Variants in PDE4B observed in about 807,000 individuals in gnomAD.
The protein encoded by PDE4B is phosphodiesterase 4B.
In PDE4B, 20 loss-of-function variants were observed where a neutral mutation model predicts 82.2. That is an observed-to-expected ratio of 0.24 (90% CI 0.17 to 0.35). The LOEUF (loss-of-function observed/expected upper bound fraction) is 0.35, where lower values mean the gene tolerates loss of function less well. PDE4B is among the 10% of genes least tolerant of loss of function. PDE4B has a pLI of 1.00. For missense variants in PDE4B, 655 were observed against 907.2 expected (o/e 0.72, Z 3.57); for synonymous variants, 320 against 318.9 (o/e 1.00, Z -0.04).
intron 3 of PDE4B, among the ~76,000 whole-genome samples, chr1:66,128,095 C>T (rs546354642): frequency 6.6e-6 from 1 of 152,096 alleles, no homozygotes; most frequent in East Asian, 1.9e-4. Flanking sequence ...TTTGAAAATC[C>T]CACTATTTTA....
chr1:65,988,842 C>T (rs889954223), intron 3 of PDE4B, among the ~76,000 whole-genome samples: 11 of 151,840 alleles, frequency 7.2e-5, no homozygotes, highest in African/African-American at 4.8e-5. Flanking sequence ...AGTAGTTACT[C>T]GTAGAAAATT....
chr1:66,014,791 T>C lies in PDE4B; in HGVS notation c.281+95956T>C, dbSNP rs549022656. Among the ~76,000 whole-genome samples the C allele has an allele frequency of 7.2e-5, 11 of 152,244 alleles. No individual in the cohort carries two copies. The South Asian group carries it at 2.3e-3, about 32-fold the overall frequency. The stretch of plus-strand genomic sequence containing the variant: ...GGGGGTAGCAGTTGTTACTGGAATC[T>C]AGTGAGTAGAGGTTACGAATGTTGC... On this transcript the variant is annotated intron_variant, in intron 3 of 16. Transcript: ENST00000341517.
At chr1:66,002,477 G>T (rs1225598893) in intron 3 of PDE4B, among the ~76,000 whole-genome samples, 2 of 151,694 alleles carry the variant, frequency 1.3e-5, no homozygotes, top group African/African-American at 4.8e-5. Flanking sequence ...ATAAATTATT[G>T]GTTTTCATTT....
chr1:65,854,462 TC>T (rs201777137), intron 1 of PDE4B, among the ~76,000 whole-genome samples: 318 of 151,902 alleles, frequency 2.1e-3, no homozygotes, highest in African/African-American at 6.6e-3. Context: ...CTTTTTTTTT[TC>T]TGAATGTGTT....
intron 1 of PDE4B, among the ~76,000 whole-genome samples, chr1:65,897,970 C>A (rs189173288): frequency 4.6e-5 from 7 of 152,148 alleles, no homozygotes; most frequent in African/African-American, 1.7e-4. Flanking sequence ...ATAAGCCTTC[C>A]CTTTTCTCTA....
At chr1:65,909,119 G>T (rs1051749071) in intron 1 of PDE4B, among the ~76,000 whole-genome samples, 2 of 152,096 alleles carry the variant, frequency 1.3e-5, no homozygotes, top group African/African-American at 4.8e-5. Context: ...ATGGAAAACA[G>T]TTATTGGAGA....
chr1:65,985,223 T>C (rs1397486742), intron 3 of PDE4B, among the ~76,000 whole-genome samples: 2 of 152,198 alleles, frequency 1.3e-5, no homozygotes, highest in Non-Finnish European at 2.9e-5. Context: ...AAATATTGTC[T>C]CTGTGAAATA....
At chr1:66,168,456 T>C (rs1042007076) in intron 3 of PDE4B, among the ~76,000 whole-genome samples, 1 of 152,118 alleles carries the variant, frequency 6.6e-6, no homozygotes, top group Non-Finnish European at 1.5e-5. Context: ...GAGTGAGCTA[T>C]GGAGCAAACT....
intron 3 of PDE4B, among the ~76,000 whole-genome samples, chr1:66,110,197 G>A (rs373517694): frequency 2.6e-5 from 4 of 151,942 alleles, no homozygotes; most frequent in Non-Finnish European, 2.9e-5. Context: ...TTTCAATAAA[G>A]AGCGGAAATT....
At chr1:66,320,547 T>A (rs1659327395) in intron 7 of PDE4B, among the ~76,000 whole-genome samples, 1 of 152,210 alleles carries the variant, frequency 6.6e-6, no homozygotes, top group East Asian at 1.9e-4. Context: ...TTGGACATTG[T>A]GTCTTTGATA....
At chr1:65,875,242 C>T (rs981517837) in intron 1 of PDE4B, among the ~76,000 whole-genome samples, 15 of 150,718 alleles carry the variant, frequency 1.0e-4, no homozygotes, top group African/African-American at 3.4e-4. Context: ...AAATCAAAAC[C>T]ACTATGAGAT....
At chr1:66,328,695 C>T (rs1019232300) in intron 7 of PDE4B, among the ~76,000 whole-genome samples, 2 of 152,190 alleles carry the variant, frequency 1.3e-5, no homozygotes, top group Non-Finnish European at 2.9e-5. Context: ...CCCTAGGAAT[C>T]GTCCAGCTTC....
intron 3 of PDE4B, among the ~76,000 whole-genome samples, chr1:66,182,657 T>C (rs559850391): frequency 1.3e-5 from 2 of 152,268 alleles, no homozygotes; most frequent in South Asian, 4.1e-4. Flanking sequence ...AAAACCTCAG[T>C]AGAGTTGGTG....
chr1:65,992,401 G>T (rs1287407185), intron 3 of PDE4B: 1 of 152,706 alleles, frequency 6.5e-6, no homozygotes, highest in African/African-American at 2.4e-5. Flanking sequence ...AGATAATTCT[G>T]AATGAAGACT....
intron 1 of PDE4B, among the ~76,000 whole-genome samples, chr1:65,900,809 A>T (rs1480391438): frequency 3.9e-5 from 6 of 152,132 alleles, no homozygotes; most frequent in Non-Finnish European, 5.9e-5. Context: ...CTGATCTTGT[A>T]TCCTGAAACT....
At chr1:66,026,575 T>C (rs1373062141) in intron 3 of PDE4B, among the ~76,000 whole-genome samples, 3 of 152,202 alleles carry the variant, frequency 2.0e-5, no homozygotes, top group Non-Finnish European at 2.9e-5. Context: ...ATTTATGGGT[T>C]TGTTGTGAGA....
chr1:66,122,267 G>T (rs1446238727), intron 3 of PDE4B, among the ~76,000 whole-genome samples: 1 of 152,156 alleles, frequency 6.6e-6, no homozygotes, highest in Non-Finnish European at 1.5e-5. Flanking sequence ...CAGACCATGT[G>T]CCAGGGACAT....
At chr1:66,157,389 G>C (rs1646521874) in intron 3 of PDE4B, among the ~76,000 whole-genome samples, 1 of 152,148 alleles carries the variant, frequency 6.6e-6, no homozygotes, top group Non-Finnish European at 1.5e-5. Flanking sequence ...ACTTTCAAAT[G>C]ATCCAGTGGT....
At chr1:66,312,923 T>C (rs1287018880) in intron 7 of PDE4B, among the ~76,000 whole-genome samples, 1 of 152,258 alleles carries the variant, frequency 6.6e-6, no homozygotes, top group Non-Finnish European at 1.5e-5. Flanking sequence ...TGTAGCACTT[T>C]CTGTGTCTTT....
Sources: allele counts gnomAD v4.1 joint callset (sites outside exome capture counted in the v4.1 genomes callset), GRCh38; gene constraint gnomAD v4.1.1; transcripts MANE v1.5; gene names NCBI Gene and HGNC (gene_info 2026-07-23, HGNC 2026-07-21).